The following DAP variants were observed in gnomAD, a reference collection of about 807,000 sequenced individuals.
The protein encoded by DAP is death-associated protein 1.
DAP carries 8 observed loss-of-function variants against 13.8 expected under a neutral mutation model. That is an observed-to-expected ratio of 0.58 (90% CI 0.34 to 1.05). The LOEUF (loss-of-function observed/expected upper bound fraction) is 1.05. Ranked by LOEUF, DAP falls within the 50% of genes least tolerant of loss-of-function variation. DAP has a pLI of 0.03. For missense variants in DAP, 106 were observed against 133.2 expected (o/e 0.80, Z 1.01); for synonymous variants, 47 against 47.5 (o/e 0.99, Z 0.04).
At chr5:10,727,872 A>C (rs1739331403) in intron 2 of DAP, among the ~76,000 whole-genome samples, 1 of 152,190 alleles carries the variant, frequency 6.6e-6, no homozygotes, top group Non-Finnish European at 1.5e-5. Flanking sequence ...ATCCTCCCAT[A>C]TACTTTAAAT....
chr5:10,760,979 AC>A, intron 1 of DAP, 34 bp downstream of exon 1: 1 of 1,201,404 alleles, frequency 8.3e-7, no homozygotes. Flanking sequence ...CGCCCCCGGC[AC>A]CCGCGCGTGG....
chr5:10,742,834 C>T (rs1016526947), intron 2 of DAP, among the ~76,000 whole-genome samples: 115 of 152,150 alleles, frequency 7.6e-4, no homozygotes, highest in African/African-American at 2.7e-3. Context: ...TTTAGGCCCT[C>T]TCAGTGAACA....
chr5:10,757,233 C>T (rs1425786908), intron 1 of DAP, among the ~76,000 whole-genome samples: 1 of 152,062 alleles, frequency 6.6e-6, no homozygotes, highest in Non-Finnish European at 1.5e-5. Flanking sequence ...CACTAGGTCA[C>T]TAGCTCAGGG....
At chr5:10,699,818 C>T (rs1373116370) in intron 2 of DAP, among the ~76,000 whole-genome samples, 1 of 152,214 alleles carries the variant, frequency 6.6e-6, no homozygotes, top group African/African-American at 2.4e-5. Context: ...CTCCTTCCTG[C>T]TTCTCCCAAA....
intron 2 of DAP, among the ~76,000 whole-genome samples, chr5:10,695,983 A>G (rs1156627023): frequency 6.6e-6 from 1 of 152,050 alleles, no homozygotes; most frequent in African/African-American, 2.4e-5. Context: ...AAAGCCACAG[A>G]CTGGGAGTCT....
intron 2 of DAP, chr5:10,734,033 A>C (rs1739540004): frequency 6.6e-6 from 1 of 152,242 alleles, no homozygotes; most frequent in Non-Finnish European, 1.5e-5. Context: ...ATTTAAATTC[A>C]GTTCATATGT....
intron 2 of DAP, among the ~76,000 whole-genome samples, chr5:10,747,694 A>G (rs2111384005): frequency 6.6e-6 from 1 of 152,352 alleles, no homozygotes; most frequent in Middle Eastern, 3.4e-3. Context: ...GGAGTACAAA[A>G]GACTCACAGG....
intron 2 of DAP, among the ~76,000 whole-genome samples, chr5:10,745,052 G>A (rs1272433457): frequency 6.6e-6 from 1 of 152,212 alleles, no homozygotes; most frequent in Non-Finnish European, 1.5e-5. Context: ...AATATGAACA[G>A]AGCAGTTAGA....
At chr5:10,705,739 T>C (rs947416122) in intron 2 of DAP, among the ~76,000 whole-genome samples, 3 of 152,248 alleles carry the variant, frequency 2.0e-5, no homozygotes, top group Non-Finnish European at 2.9e-5. Context: ...GATTTAAATG[T>C]AAGGTGCAGT....
chr5:10,709,510 C>T (rs1738788011), intron 2 of DAP, among the ~76,000 whole-genome samples: 1 of 152,182 alleles, frequency 6.6e-6, no homozygotes, highest in Admixed American at 6.5e-5. Context: ...TGGGTGTGTT[C>T]AAAACATCCC....
intron 2 of DAP, among the ~76,000 whole-genome samples, chr5:10,711,593 C>T (rs1413278387): frequency 6.6e-6 from 1 of 152,196 alleles, no homozygotes; most frequent in Non-Finnish European, 1.5e-5. Flanking sequence ...TGAACTCTGA[C>T]AGCGCTTCCT....
In DAP at chr5:10,750,010, C is replaced by T. The variant is rs145680647; in HGVS notation, c.56-1739G>A. On this transcript the variant is annotated intron_variant, in intron 1 of 3. Transcript: ENST00000230895. ...CCTCAGACTATTAAGAAGAGAGAGG[C>T]GTTCGGGAGAGTGGGGTGCTGGCTA... Among the ~76,000 whole-genome samples the T allele has an allele frequency of 3.3e-5, 5 of 152,172 alleles. No individual in the cohort carries two copies. In the East Asian group the frequency reaches 5.8e-4, roughly 18 times the overall value.
intron 1 of DAP, among the ~76,000 whole-genome samples, chr5:10,755,335 T>C (rs1463413594): frequency 6.6e-6 from 1 of 152,214 alleles, no homozygotes; most frequent in Non-Finnish European, 1.5e-5. Flanking sequence ...TACTTTGATT[T>C]TAGCCCAGTG....
chr5:10,730,417 G>T (rs544920372), intron 2 of DAP, among the ~76,000 whole-genome samples: 2 of 152,202 alleles, frequency 1.3e-5, no homozygotes, highest in African/African-American at 4.8e-5. Context: ...GCCCCGGTGG[G>T]GGGGAATCTT....
chr5:10,740,692 C>T (rs2126673385), intron 2 of DAP, among the ~76,000 whole-genome samples: 1 of 152,264 alleles, frequency 6.6e-6, no homozygotes, highest in African/African-American at 2.4e-5. Flanking sequence ...ATAGTGAAAA[C>T]ATCTTTCAAA....
chr5:10,703,617 T>G lies in DAP; in HGVS notation c.153-20046A>C, dbSNP rs144737292. Among the ~76,000 whole-genome samples, 759 of 152,370 alleles carry G rather than the reference T, an allele frequency of 5.0e-3. 5 individuals are homozygous for G. The highest frequency in any genetic ancestry group is 0.017 in the African/African-American group (716 of 41,582). Reference sequence around the variant, plus strand: ...ATAAGGGATGAATAAATTATTAAACTATTAAGAAGTTGCTATAAATATGCA... The same window carrying G: ...ATAAGGGATGAATAAATTATTAAACGATTAAGAAGTTGCTATAAATATGCA... On this transcript the variant is annotated intron_variant, in intron 2 of 3. Coordinates refer to ENST00000230895, the MANE Select transcript of DAP (RefSeq NM_004394.3).
In DAP at chr5:10,761,188, G is replaced by A. The variant is rs1293099350; in HGVS notation, c.-120C>T. On this transcript the variant is annotated 5_prime_UTR_variant, in exon 1 of 4. Transcript: ENST00000230895. Reference sequence around the variant, plus strand: ...GAGCGGGCGGGAGAACGACGCGCGCGCGTGGGGCGCCGGGGCCGCGCGAGC... The same window carrying A: ...GAGCGGGCGGGAGAACGACGCGCGCACGTGGGGCGCCGGGGCCGCGCGAGC... The A allele has an allele frequency of 4.5e-6, 2 of 441,412 alleles. No individual in the cohort carries two copies. The highest frequency in any genetic ancestry group is 4.3e-5 in the African/African-American group (2 of 46,676). The allele number at this position is 441,412 out of a possible 1,614,324, so 27.3% of individuals were successfully genotyped here.
At chr5:10,753,108 G>A (rs1382959342) in intron 1 of DAP, among the ~76,000 whole-genome samples, 2 of 152,144 alleles carry the variant, frequency 1.3e-5, no homozygotes, top group Admixed American at 6.6e-5. Context: ...CACCACCTGA[G>A]GAAGCTTTGG....
chr5:10,755,352 A>G (rs948180224), intron 1 of DAP, among the ~76,000 whole-genome samples: 1 of 152,202 alleles, frequency 6.6e-6, no homozygotes, highest in Non-Finnish European at 1.5e-5. Context: ...AGTGAGACCC[A>G]TCTTGGACTT....
Sources: gnomAD v4.1 joint callset for allele counts (sites outside exome capture counted in the v4.1 genomes callset) on GRCh38, gnomAD v4.1.1 for gene constraint, MANE v1.5 for transcripts, NCBI Gene and HGNC (gene_info 2026-07-23, HGNC 2026-07-21) for gene names.